Variants in SPOCK3 observed in about 807,000 individuals in gnomAD.
SPOCK3 encodes the protein SPARC (osteonectin), cwcv and kazal like domains proteoglycan 3.
A neutral mutation model predicts 56.6 loss-of-function variants in SPOCK3; 30 were observed. The ratio of observed to expected loss-of-function variants is 0.53; its 90% CI spans 0.40 to 0.72. SPOCK3 has a LOEUF of 0.72. Among genes scored for constraint, SPOCK3 ranks in the 30% least tolerant of loss-of-function variants. The pLI, the probability that SPOCK3 is intolerant of heterozygous loss-of-function variation, is 0.00. For missense variants in SPOCK3, 527 were observed against 530.0 expected (o/e 0.99, Z 0.06); for synonymous variants, 196 against 183.3 (o/e 1.07, Z -0.56).
intron 2 of SPOCK3, among the ~76,000 whole-genome samples, chr4:167,195,500 C>T (rs1561310490): frequency 6.6e-6 from 1 of 152,158 alleles, no homozygotes; most frequent in Non-Finnish European, 1.5e-5. Flanking sequence ...GGGCCTGCAT[C>T]TGAGGGCATA....
intron 8 of SPOCK3, among the ~76,000 whole-genome samples, chr4:166,742,760 C>T (rs577477337): frequency 4.6e-5 from 7 of 152,166 alleles, no homozygotes; most frequent in African/African-American, 1.7e-4. Context: ...TGGAAATAGT[C>T]TTTGCCTATT....
At chr4:166,967,021 C>T (rs1162330131) in intron 4 of SPOCK3, among the ~76,000 whole-genome samples, 1 of 152,128 alleles carries the variant, frequency 6.6e-6, no homozygotes. Context: ...TCCCTAGGAG[C>T]TAAATTTTGC....
intron 2 of SPOCK3, among the ~76,000 whole-genome samples, chr4:167,080,325 C>T (rs1331006362): frequency 6.6e-6 from 1 of 152,072 alleles, no homozygotes; most frequent in Non-Finnish European, 1.5e-5. Flanking sequence ...CACTTGCAAA[C>T]AAGTTTCCAA....
intron 2 of SPOCK3, among the ~76,000 whole-genome samples, chr4:167,107,915 G>A (rs1760309775): frequency 6.6e-6 from 1 of 151,662 alleles, no homozygotes; most frequent in African/African-American, 2.4e-5. Flanking sequence ...TCTCACAAGA[G>A]ATCAATAACT....
chr4:167,083,197 A>G (rs1347065520), intron 2 of SPOCK3: 4 of 765,032 alleles, frequency 5.2e-6, no homozygotes, highest in African/African-American at 3.4e-5. Flanking sequence ...TAGTCATAGA[A>G]TTGCCACAAA....
At chr4:167,153,032 G>A (rs1301478586) in intron 2 of SPOCK3, among the ~76,000 whole-genome samples, 1 of 152,228 alleles carries the variant, frequency 6.6e-6, no homozygotes, top group East Asian at 1.9e-4. Flanking sequence ...TAGATGCTAT[G>A]CTAAGCTCTT....
At chr4:167,126,265 A>G (rs1762268644) in intron 2 of SPOCK3, among the ~76,000 whole-genome samples, 1 of 152,140 alleles carries the variant, frequency 6.6e-6, no homozygotes, top group Non-Finnish European at 1.5e-5. Flanking sequence ...AGTTCATTGT[A>G]GGCCGGGCGC....
chr4:166,808,496 G>A (rs895291130), intron 6 of SPOCK3, among the ~76,000 whole-genome samples: 2 of 151,772 alleles, frequency 1.3e-5, no homozygotes, highest in African/African-American at 2.4e-5. Flanking sequence ...CAGCAAGAAG[G>A]CTGCCATCTG....
At chr4:166,837,704 A>G (rs1418591640) in intron 6 of SPOCK3, among the ~76,000 whole-genome samples, 1 of 152,206 alleles carries the variant, frequency 6.6e-6, no homozygotes, top group Non-Finnish European at 1.5e-5. Context: ...AACATAATTT[A>G]GAACACTCAA....
At chr4:167,029,060 C>T (rs1463932519) in intron 3 of SPOCK3, among the ~76,000 whole-genome samples, 4 of 152,002 alleles carry the variant, frequency 2.6e-5, no homozygotes, top group South Asian at 2.1e-4. Flanking sequence ...AGCTATTCTT[C>T]CTGATGCTTT....
At chr4:166,973,008 C>T (rs1037946310) in intron 4 of SPOCK3, among the ~76,000 whole-genome samples, 29 of 152,082 alleles carry the variant, frequency 1.9e-4, no homozygotes, top group African/African-American at 6.8e-4. Flanking sequence ...TGTTTACCCA[C>T]CGAAATCTCA....
chr4:166,919,518 C>T (rs915884170), intron 4 of SPOCK3, among the ~76,000 whole-genome samples: 17 of 152,108 alleles, frequency 1.1e-4, no homozygotes, highest in Admixed American at 7.9e-4. Flanking sequence ...TTCAATCTGA[C>T]CCTCAACAGT....
intron 5 of SPOCK3, among the ~76,000 whole-genome samples, chr4:166,895,464 G>A (rs866981010): frequency 7.9e-5 from 12 of 151,528 alleles, no homozygotes; most frequent in Middle Eastern, 6.8e-3. Flanking sequence ...TGCAAGTAGC[G>A]GAAAGATTCA....
chr4:167,184,204 A>G (rs369916181), intron 2 of SPOCK3, among the ~76,000 whole-genome samples: 30 of 152,320 alleles, frequency 2.0e-4, no homozygotes, highest in Middle Eastern at 3.4e-3. Flanking sequence ...ATCATCATAC[A>G]TGTATCTGGG....
chr4:167,109,921 C>T (rs774341092), intron 2 of SPOCK3, among the ~76,000 whole-genome samples: 5 of 151,912 alleles, frequency 3.3e-5, no homozygotes, highest in South Asian at 2.1e-4. Flanking sequence ...CCTCCTTTCT[C>T]GTCTTACTAG....
At chr4:166,785,318 G>A (rs996274071) in intron 7 of SPOCK3, among the ~76,000 whole-genome samples, 10 of 152,062 alleles carry the variant, frequency 6.6e-5, no homozygotes, top group African/African-American at 2.4e-4. Context: ...AAAAAATAAT[G>A]ACAGACTGTA....
chr4:166,851,611 A>G (rs1022161531), intron 6 of SPOCK3, among the ~76,000 whole-genome samples: 3 of 152,236 alleles, frequency 2.0e-5, no homozygotes, highest in Non-Finnish European at 4.4e-5. Context: ...ACCAATACAG[A>G]GAAGTGCTTA....
chr4:166,988,021 G>T (rs1424639712), intron 4 of SPOCK3, among the ~76,000 whole-genome samples: 1 of 152,046 alleles, frequency 6.6e-6, no homozygotes, highest in Non-Finnish European at 1.5e-5. Flanking sequence ...ATAGAAATTT[G>T]CATTTGTTCA....
At chr4:167,229,693 A>G (rs946660482) in intron 2 of SPOCK3, among the ~76,000 whole-genome samples, 1 of 152,148 alleles carries the variant, frequency 6.6e-6, no homozygotes, top group Non-Finnish European at 1.5e-5. Flanking sequence ...TTAAAAGTCA[A>G]CTTATAATTT....
Sources: gnomAD v4.1 joint callset for allele counts (sites outside exome capture counted in the v4.1 genomes callset) on GRCh38, gnomAD v4.1.1 for gene constraint, MANE v1.5 for transcripts, NCBI Gene and HGNC (gene_info 2026-07-23, HGNC 2026-07-21) for gene names.